Variants in ATP2C2 observed in about 807,000 individuals in gnomAD.
ATP2C2 encodes the protein calcium-transporting ATPase type 2C member 2.
Under a neutral mutation model 110.8 loss-of-function variants are expected in ATP2C2, and 171 were observed. That is an observed-to-expected ratio of 1.54 (90% CI 1.36 to 1.75). The LOEUF (loss-of-function observed/expected upper bound fraction) is 1.75, where lower values mean the gene tolerates loss of function less well. Ranked by LOEUF, ATP2C2 falls within the 40% of genes most tolerant of loss-of-function variation. ATP2C2 has a pLI of 0.00. For synonymous variants in ATP2C2, 804 were observed against 508.4 expected, an observed-to-expected ratio of 1.58 and a Z score of -7.82; for missense variants, 1,963 against 1,235.0, an observed-to-expected ratio of 1.59 and a Z score of -8.84.
At chr16:84,384,641 T>G (rs1252769026) in intron 1 of ATP2C2, among the ~76,000 whole-genome samples, 1 of 152,242 alleles carries the variant, frequency 6.6e-6, no homozygotes, top group Non-Finnish European at 1.5e-5. Context: ...TTATTTTCGC[T>G]CATTAAGTTC....
intron 2 of ATP2C2, among the ~76,000 whole-genome samples, chr16:84,404,010 G>A (rs1192227990): frequency 6.6e-6 from 1 of 152,188 alleles, no homozygotes; most frequent in Non-Finnish European, 1.5e-5. Context: ...TAAAGGCAAA[G>A]GATACCGATG....
At chr16:84,415,715 G>A (rs1906776988) in intron 7 of ATP2C2, 124 bp downstream of exon 7, 1 of 717,254 alleles carries the variant, frequency 1.4e-6, no homozygotes, top group Non-Finnish European at 2.3e-6. Flanking sequence ...ACATGCACAT[G>A]CATACACACA....
intron 11 of ATP2C2, 27 bp from the exon 12 acceptor site, chr16:84,439,139 G>A (rs1909004671): frequency 1.2e-6 from 2 of 1,611,658 alleles, no homozygotes; most frequent in East Asian, 4.5e-5. Context: ...ATGTGTTAGA[G>A]GGGACTCATT....
chr16:84,432,979 G>C (rs1279195446), intron 11 of ATP2C2, among the ~76,000 whole-genome samples: 1 of 152,192 alleles, frequency 6.6e-6, no homozygotes, highest in Non-Finnish European at 1.5e-5. Context: ...AGCATTCTCA[G>C]GTGACTGAGC....
At chr16:84,440,758 G>A (rs73245981) in intron 13 of ATP2C2, 99 bp from the exon 14 acceptor site, 43,494 of 850,044 alleles carry the variant, frequency 0.051, 1,531 homozygotes, top group African/African-American at 0.14. Context: ...GTTTAGGATT[G>A]TGTCCCTGGA....
At chr16:84,382,391 G>T (rs1398558061) in intron 1 of ATP2C2, among the ~76,000 whole-genome samples, 1 of 151,976 alleles carries the variant, frequency 6.6e-6, no homozygotes, top group African/African-American at 2.4e-5. Context: ...ATCACTGATG[G>T]GCTTCAAATA....
intron 1 of ATP2C2, among the ~76,000 whole-genome samples, chr16:84,369,874 GC>G (rs1245296641): frequency 6.6e-6 from 1 of 152,184 alleles, no homozygotes; most frequent in Non-Finnish European, 1.5e-5. Context: ...CAGTTTTTGA[GC>G]AATCTCGATT....
intron 6 of ATP2C2, among the ~76,000 whole-genome samples, chr16:84,411,933 CCTTTCTTTT>C (rs1400251526): frequency 6.6e-6 from 1 of 151,678 alleles, no homozygotes; most frequent in Non-Finnish European, 1.5e-5. Flanking sequence ...TTCTTTCTTT[CCTTTCTTTT>C]CTTTTCTTTC....
chr16:84,388,356 C>A lies in ATP2C2; in HGVS notation c.100-10143C>A, dbSNP rs2326253. 2.7e-3 allele frequency among the ~76,000 whole-genome samples: 408 copies of A among 152,038 alleles called. 1 individual carries two copies. The highest frequency in any genetic ancestry group is 9.0e-3 in the African/African-American group (372 of 41,454). ...AAAAGAAAGAAAAACTAGTATCAAC[C>A]TTTGAACACATCAGTCAGAGTCCTC... On this transcript the variant is annotated intron_variant, in intron 1 of 26. Transcript: ENST00000262429.
At chr16:84,429,643 C>T (rs188027256) in intron 11 of ATP2C2, among the ~76,000 whole-genome samples, 11 of 151,970 alleles carry the variant, frequency 7.2e-5, no homozygotes, top group African/African-American at 9.7e-5. Context: ...GATGGAGAAT[C>T]GATGGGAATC....
At chr16:84,374,526 C>G (rs1910142565) in intron 1 of ATP2C2, among the ~76,000 whole-genome samples, 1 of 152,122 alleles carries the variant, frequency 6.6e-6, no homozygotes, top group Admixed American at 6.6e-5. Flanking sequence ...AGATGGCATC[C>G]CGGAAACCCT....
At chr16:84,371,189 G>A (rs1449621328) in intron 1 of ATP2C2, among the ~76,000 whole-genome samples, 3 of 152,126 alleles carry the variant, frequency 2.0e-5, no homozygotes, top group African/African-American at 7.2e-5. Context: ...TAGAAGCACT[G>A]GAGACTGGAT....
chr16:84,441,090 G>A, intron 14 of ATP2C2, 132 bp downstream of exon 14: 2 of 767,782 alleles, frequency 2.6e-6, no homozygotes, highest in Non-Finnish European at 4.4e-6. Context: ...GGTGAGGCTG[G>A]CACAGCACTG....
rs1906529322 is a variant in ATP2C2, at chr16:84,413,115, A to AT, written c.515+2350_515+2351insT. 2.1e-5 allele frequency among the ~76,000 whole-genome samples: 3 copies of AT among 146,054 alleles called. No homozygotes were observed. The South Asian group carries it at 6.5e-4, about 32-fold the overall frequency. On this transcript the variant is annotated intron_variant, in intron 6 of 26. Coordinates refer to ENST00000262429, the MANE Select transcript of ATP2C2 (RefSeq NM_014861.4). ...CTCTGTCTCAAAAAAAAAAAAAAAAAGTATCTCATGGTCTGGGGTGTCTGG... is the reference window on the plus strand; with the variant it reads ...CTCTGTCTCAAAAAAAAAAAAAAAAATGTATCTCATGGTCTGGGGTGTCTGG...
intron 21 of ATP2C2, 118 bp downstream of exon 21, chr16:84,455,102 C>G (rs1335274152): frequency 1.9e-5 from 25 of 1,336,488 alleles, no homozygotes; most frequent in Middle Eastern, 2.2e-4. Flanking sequence ...CCAGGGAGAG[C>G]TGAATCTCGG....
intron 21 of ATP2C2, 46 bp downstream of exon 21, chr16:84,455,030 G>T (rs767024278): frequency 3.3e-6 from 5 of 1,517,000 alleles, no homozygotes; most frequent in Non-Finnish European, 3.6e-6. Flanking sequence ...AATGCCTGGG[G>T]TCACCAGCTT....
intron 7 of ATP2C2, among the ~76,000 whole-genome samples, chr16:84,422,174 C>G (rs1183576462): frequency 2.0e-5 from 3 of 152,158 alleles, no homozygotes; most frequent in Admixed American, 6.5e-5. Context: ...CAACATTAAG[C>G]AAAGATATGA....
At chr16:84,408,078 C>G (rs12925114) in intron 3 of ATP2C2, among the ~76,000 whole-genome samples, 5 of 152,198 alleles carry the variant, frequency 3.3e-5, no homozygotes, top group African/African-American at 4.8e-5. Context: ...CTTGGCCGTC[C>G]TGAGCCAGGA....
chr16:84,442,563 G>T lies in ATP2C2; in HGVS notation c.1365G>T (p.Gln455His). The T allele has an allele frequency of 1.2e-6, 2 of 1,614,116 alleles. No homozygotes were observed. The highest frequency in any genetic ancestry group is 1.7e-6 in the Non-Finnish European group (2 of 1,179,992). Residue 455 changes from glutamine to histidine, a missense_variant, in exon 15 of 27, where the codon CAG becomes CAT. Physicochemically the swap from Gln to His is conservative, Grantham distance 24 (BLOSUM62 0). Transcript: ENST00000262429. ...TCAGAAAGAACGCCGTGATGGGGCA[G>T]CCCACCGAGGGTGCATTGATGGCCC... Reference protein sequence around the residue: ...AVIRKNAVMGQPTEGALMALA... With the variant: ...AVIRKNAVMGHPTEGALMALA...
Sources: allele counts gnomAD v4.1 joint callset (sites outside exome capture counted in the v4.1 genomes callset), GRCh38; gene constraint gnomAD v4.1.1; transcripts MANE v1.5; gene names NCBI Gene and HGNC (gene_info 2026-07-23, HGNC 2026-07-21).